SP100: variants seen among roughly 807,000 people sequenced by gnomAD.
SP100 encodes the protein nuclear autoantigen Sp-100.
SP100 carries 84 observed loss-of-function variants against 130.0 expected under a neutral mutation model. That is an observed-to-expected ratio of 0.65 (90% CI 0.54 to 0.77). SP100 has a LOEUF of 0.77. SP100 is among the 30% of genes least tolerant of loss of function. The pLI is 0.00. For synonymous variants in SP100, 331 were observed against 351.7 expected (o/e 0.94, Z 0.66); for missense variants, 978 against 1,052.2 (o/e 0.93, Z 0.97).
At chr2:230,428,429 G>T (rs1048531431) in intron 2 of SP100, among the ~76,000 whole-genome samples, 22 of 151,722 alleles carry the variant, frequency 1.5e-4, no homozygotes, top group African/African-American at 5.3e-4. Flanking sequence ...AGAGACTGAA[G>T]GGAGAAGTGC....
intron 21 of SP100, among the ~76,000 whole-genome samples, chr2:230,505,840 G>A (rs1690045738): frequency 6.6e-6 from 1 of 152,138 alleles, no homozygotes; most frequent in Non-Finnish European, 1.5e-5. Flanking sequence ...CATGGTACAA[G>A]ACAAGGCAGA....
chr2:230,448,190 AAGG>A (rs2063793697), intron 5 of SP100, among the ~76,000 whole-genome samples: 1 of 152,186 alleles, frequency 6.6e-6, no homozygotes, highest in Admixed American at 6.5e-5. Context: ...TTCAAAGAGA[AAGG>A]CGGTCATGTA....
chr2:230,506,780 A>T, intron 22 of SP100: 1 of 189,694 alleles, frequency 5.3e-6, no homozygotes, highest in Non-Finnish European at 9.6e-6. Flanking sequence ...GTAAATGTTA[A>T]ATACACACAC....
At chr2:230,416,424 C>A in intron 1 of SP100, 96 bp downstream of exon 1, 3 of 1,053,788 alleles carry the variant, frequency 2.8e-6, no homozygotes, top group African/African-American at 1.6e-5. Context: ...TCACTTTAAT[C>A]CTTCTTTGCA....
intron 24 of SP100, among the ~76,000 whole-genome samples, chr2:230,533,640 G>T (rs896305095): frequency 6.6e-6 from 1 of 152,172 alleles, no homozygotes; most frequent in Non-Finnish European, 1.5e-5. Flanking sequence ...GAGACACTGG[G>T]CCAGAAATTA....
intron 4 of SP100, among the ~76,000 whole-genome samples, chr2:230,446,583 C>T (rs533347319): frequency 6.6e-6 from 1 of 152,320 alleles, no homozygotes; most frequent in South Asian, 2.1e-4. Context: ...ACAATGTTTC[C>T]ATTACTCCTT....
chr2:230,427,264 C>T (rs1199330091), intron 2 of SP100, among the ~76,000 whole-genome samples: 1 of 151,980 alleles, frequency 6.6e-6, no homozygotes, highest in Non-Finnish European at 1.5e-5. Context: ...CGGGTTCAAG[C>T]AATTCTCCTG....
intron 24 of SP100, among the ~76,000 whole-genome samples, chr2:230,522,277 T>C (rs1332700402): frequency 1.3e-5 from 2 of 152,112 alleles, no homozygotes; most frequent in African/African-American, 2.4e-5. Context: ...GATACAGTCA[T>C]GGGAAATTAG....
intron 24 of SP100, among the ~76,000 whole-genome samples, chr2:230,529,011 G>C (rs988155519): frequency 1.3e-5 from 2 of 152,140 alleles, no homozygotes; most frequent in Admixed American, 6.6e-5. Context: ...AAGAGGAGCT[G>C]GTCCCATTCC....
intron 2 of SP100, among the ~76,000 whole-genome samples, chr2:230,421,779 C>G (rs2062775555): frequency 6.6e-6 from 1 of 152,092 alleles, no homozygotes; most frequent in Non-Finnish European, 1.5e-5. Context: ...TCTGGCTCTT[C>G]TCTTTGATCC....
chr2:230,491,540 T>C (rs2066390823), intron 17 of SP100, among the ~76,000 whole-genome samples: 1 of 152,220 alleles, frequency 6.6e-6, no homozygotes, highest in South Asian at 2.1e-4. Flanking sequence ...AAGCATGGCC[T>C]GGAGCTATAG....
chr2:230,417,547 A>G (rs1024200534), intron 1 of SP100, 44 bp from the exon 2 acceptor site: 9 of 1,588,106 alleles, frequency 5.7e-6, no homozygotes, highest in African/African-American at 1.4e-5. Context: ...TATTGAGGCA[A>G]AGGGTCCAGT....
At chr2:230,417,833 A>G (rs1253125406) in intron 2 of SP100, among the ~76,000 whole-genome samples, 168 bp downstream of exon 2, 1 of 151,470 alleles carries the variant, frequency 6.6e-6, no homozygotes. Context: ...TTTTCGTGAT[A>G]TGGGAGAATT....
At chr2:230,536,904 A>T (rs1395136223) in intron 24 of SP100, among the ~76,000 whole-genome samples, 1 of 152,180 alleles carries the variant, frequency 6.6e-6, no homozygotes, top group Non-Finnish European at 1.5e-5. Flanking sequence ...TTGCAATGAG[A>T]TGAGCATTTT....
chr2:230,485,327 TG>T (rs1216832270), intron 17 of SP100, among the ~76,000 whole-genome samples: 9 of 152,088 alleles, frequency 5.9e-5, no homozygotes, highest in African/African-American at 2.4e-5. Flanking sequence ...TTTTTATTAT[TG>T]TCATTTGCTA....
chr2:230,461,209 T>C (rs1301897883), intron 8 of SP100, 53 bp from the exon 9 acceptor site: 1 of 1,563,378 alleles, frequency 6.4e-7, no homozygotes, highest in East Asian at 2.2e-5. Flanking sequence ...TTAATGATAG[T>C]GAAGGAGGTT....
intron 15 of SP100, among the ~76,000 whole-genome samples, chr2:230,472,295 G>T (rs924465745): frequency 6.6e-6 from 1 of 151,900 alleles, no homozygotes; most frequent in African/African-American, 2.4e-5. Context: ...AGGCATGGTG[G>T]CAGGCAGCTG....
At chr2:230,471,053 A>G (rs908353061) in intron 15 of SP100, among the ~76,000 whole-genome samples, 4 of 152,220 alleles carry the variant, frequency 2.6e-5, no homozygotes, top group Non-Finnish European at 5.9e-5. Context: ...CAGAGATAAT[A>G]GGAATGGAAC....
intron 8 of SP100, among the ~76,000 whole-genome samples, chr2:230,454,726 C>G (rs187207183): frequency 6.6e-6 from 1 of 152,244 alleles, no homozygotes; most frequent in East Asian, 1.9e-4. Flanking sequence ...TGTAGAATGT[C>G]TCATGTACAA....
Sources: gnomAD v4.1 joint callset for allele counts (sites outside exome capture counted in the v4.1 genomes callset) on GRCh38, gnomAD v4.1.1 for gene constraint, MANE v1.5 for transcripts, NCBI Gene and HGNC (gene_info 2026-07-23, HGNC 2026-07-21) for gene names.